The following ADGRV1 variants were observed in gnomAD, a reference collection of about 807,000 sequenced individuals.
ADGRV1 encodes the protein G-protein coupled receptor 98.
Under a neutral mutation model 596.2 loss-of-function variants are expected in ADGRV1, and 359 were observed. That is an observed-to-expected ratio of 0.60 (90% confidence interval 0.55 to 0.66). ADGRV1 has a LOEUF of 0.66. Among genes scored for constraint, ADGRV1 ranks in the 30% least tolerant of loss-of-function variants. ADGRV1 has a pLI of 0.00. For synonymous variants in ADGRV1, 2,681 were observed against 2,679.2 expected (o/e 1.00, Z -0.02); for missense variants, 7,274 against 7,575.6 (o/e 0.96, Z 1.48).
At chr5:90,791,958 T>A (rs1760128165) in intron 70 of ADGRV1, 2 of 152,266 alleles carry the variant, frequency 1.3e-5, no homozygotes, top group South Asian at 4.2e-4. Context: ...CCACAGAAAG[T>A]GATTGAGTGA....
intron 1 of ADGRV1, among the ~76,000 whole-genome samples, chr5:90,610,846 G>C (rs1344558300): frequency 1.3e-5 from 2 of 152,018 alleles, no homozygotes. Flanking sequence ...GCTTAAGCTT[G>C]ATTATCAAAA....
At chr5:90,925,421 G>T (rs1257667029) in intron 83 of ADGRV1, among the ~76,000 whole-genome samples, 1 of 151,994 alleles carries the variant, frequency 6.6e-6, no homozygotes. Flanking sequence ...CTCATGATTT[G>T]GCTCTCTGTT....
At chr5:91,004,302 A>G (rs1782090376) in intron 85 of ADGRV1, among the ~76,000 whole-genome samples, 1 of 152,200 alleles carries the variant, frequency 6.6e-6, no homozygotes, top group South Asian at 2.1e-4. Flanking sequence ...CATGCAGGAC[A>G]GTTTCGTAAT....
In ADGRV1 at chr5:90,627,394, G is replaced by A; in HGVS notation, c.856G>A (p.Gly286Arg). 2 of 1,613,874 alleles carry A rather than the reference G, an allele frequency of 1.2e-6. No homozygotes were observed. Among genetic ancestry groups the A allele is most frequent in the Non-Finnish European group, 1.7e-6 (2 of 1,179,836 alleles). Residue 286 changes from glycine to arginine, a missense_variant, in exon 7 of 90, where the codon GGA becomes AGA. Gly to Arg is a moderately radical substitution (Grantham distance 125). This residue lies in a region of ADGRV1 where 1,715 missense variants were observed against 1,708.8 expected (regional missense o/e 1.00). Transcript: ENST00000405460. ...CATACTCATAATTCCAGTAGTTCGT[G>A]GAAAGGACAACAATGGAAATCTGAT... ...DHILIIPVVR[G>R]KDNNGNLIGS...
At chr5:90,711,993 C>T (rs1749421295) in intron 41 of ADGRV1, among the ~76,000 whole-genome samples, 1 of 152,068 alleles carries the variant, frequency 6.6e-6, no homozygotes, top group South Asian at 2.1e-4. Context: ...ACCATGTTGG[C>T]CAGGCTGGTC....
chr5:90,633,421 A>G (rs954540174), intron 9 of ADGRV1, among the ~76,000 whole-genome samples: 1 of 152,002 alleles, frequency 6.6e-6, no homozygotes, highest in Non-Finnish European at 1.5e-5. Context: ...CTTGATGCTT[A>G]ACACAGTATT....
intron 87 of ADGRV1, among the ~76,000 whole-genome samples, chr5:91,129,307 G>C (rs1794019945): frequency 6.6e-6 from 1 of 152,168 alleles, no homozygotes; most frequent in Admixed American, 6.5e-5. Flanking sequence ...CCATGAGCAG[G>C]CTAAATTAGA....
chr5:91,071,957 A>G (rs1485646209), intron 85 of ADGRV1, among the ~76,000 whole-genome samples: 1 of 152,118 alleles, frequency 6.6e-6, no homozygotes, highest in Non-Finnish European at 1.5e-5. Context: ...GATTACAGGC[A>G]TGAACCACTG....
intron 34 of ADGRV1, among the ~76,000 whole-genome samples, chr5:90,698,272 C>T (rs552067054): frequency 5.9e-5 from 9 of 152,280 alleles, no homozygotes; most frequent in East Asian, 3.9e-4. Context: ...GTAACACTTA[C>T]GGAGTGTTTT....
At chr5:90,696,872 C>A in intron 33 of ADGRV1, 65 bp from the exon 34 acceptor site, 2 of 1,158,136 alleles carry the variant, frequency 1.7e-6, no homozygotes, top group African/African-American at 1.5e-5. Flanking sequence ...TATTTTGGGC[C>A]TTTCTGAGTT....
In ADGRV1 at chr5:90,750,679, A is replaced by C. The variant is rs756181052; in HGVS notation, c.11103A>C (p.Ile3701=). 4 of 1,612,278 alleles carry C rather than the reference A, an allele frequency of 2.5e-6. No homozygotes were observed. Among genetic ancestry groups the C allele is most frequent in the Non-Finnish European group, 3.4e-6 (4 of 1,178,504 alleles). The change falls in exon 53 of 90, where the codon ATA becomes ATC. Residue 3701 remains isoleucine (I), a synonymous_variant. Transcript: ENST00000405460. ...AWEADGSISD[I]FPTSGVILFT... The stretch of plus-strand genomic sequence containing the variant: ...AAGCTGATGGAAGTATTAGTGATAT[A>C]TTTCCTACCTCAGGAGTGGTATGTA...
chr5:90,851,731 A>G (rs527486784), intron 79 of ADGRV1, among the ~76,000 whole-genome samples: 116 of 152,352 alleles, frequency 7.6e-4, no homozygotes, highest in African/African-American at 2.6e-3. Context: ...TTTGAGGGAC[A>G]TAGGTGTCAT....
At chr5:90,686,294 A>G (rs938186961) in intron 29 of ADGRV1, among the ~76,000 whole-genome samples, 3 of 151,972 alleles carry the variant, frequency 2.0e-5, no homozygotes, top group Non-Finnish European at 4.4e-5. Context: ...TACATGTGCC[A>G]TGCTGGTGTG....
rs1758512912 is a variant in ADGRV1, at chr5:90,778,623, TG to T, written c.12849+15del. ...GAAGCACAGAGGGTATAGTATGAAA[TG>T]CTTAAGATTTTAATATCATTTTTAT... is the stretch of plus-strand genomic sequence containing the variant. On this transcript the variant is annotated intron_variant, in intron 63 of 89. Coordinates refer to ENST00000405460, the MANE Select transcript of ADGRV1 (RefSeq NM_032119.4). 6.6e-7 allele frequency: 1 copy of T among 1,512,510 alleles called. No homozygotes were observed. The highest frequency in any genetic ancestry group is 2.3e-5 in the East Asian group (1 of 43,260). 93.7% of individuals were successfully genotyped at this position (1,512,510 alleles called of 1,614,324 possible).
chr5:90,671,421 A>C (rs1772448556), intron 21 of ADGRV1, among the ~76,000 whole-genome samples: 1 of 152,182 alleles, frequency 6.6e-6, no homozygotes, highest in African/African-American at 2.4e-5. Context: ...ATGGACCAGC[A>C]GGCAAATAAA....
intron 4 of ADGRV1, among the ~76,000 whole-genome samples, chr5:90,622,360 G>A (rs748591742): frequency 4.6e-5 from 7 of 152,176 alleles, no homozygotes; most frequent in Non-Finnish European, 8.8e-5. Context: ...GGTAGAACCA[G>A]GACAAGAAAC....
chr5:90,908,974 G>A (rs1453309677), intron 83 of ADGRV1, among the ~76,000 whole-genome samples: 1 of 152,192 alleles, frequency 6.6e-6, no homozygotes, highest in African/African-American at 2.4e-5. Context: ...TTAAGGATGA[G>A]TAGGAGAGGA....
intron 85 of ADGRV1, among the ~76,000 whole-genome samples, chr5:91,054,575 T>C (rs1786668345): frequency 6.6e-6 from 1 of 152,156 alleles, no homozygotes; most frequent in African/African-American, 2.4e-5. Flanking sequence ...AAGTTCAATA[T>C]CAAGGCACTG....
At chr5:90,833,851 T>G (rs899561728) in intron 77 of ADGRV1, among the ~76,000 whole-genome samples, 1 of 152,200 alleles carries the variant, frequency 6.6e-6, no homozygotes, top group Non-Finnish European at 1.5e-5. Context: ...AAGGATAATT[T>G]GACTTCTTCC....
Sources: gnomAD v4.1 joint callset for allele counts (sites outside exome capture counted in the v4.1 genomes callset) on GRCh38, gnomAD v4.1.1 for gene constraint, gnomAD v4.1.1 regional missense constraint, MANE v1.5 for transcripts, NCBI Gene and HGNC (gene_info 2026-07-23, HGNC 2026-07-21) for gene names.